The following LRRC4C variants were observed in gnomAD, a reference collection of about 807,000 sequenced individuals.
LRRC4C encodes leucine-rich repeat-containing protein 4C.
In LRRC4C, 5 loss-of-function variants were observed where a neutral mutation model predicts 33.6. The ratio of observed to expected loss-of-function variants is 0.15; its 90% CI spans 0.08 to 0.31. The LOEUF (loss-of-function observed/expected upper bound fraction) is 0.31. Ranked by LOEUF, LRRC4C falls within the 10% of genes least tolerant of loss-of-function variation. The pLI, the probability that LRRC4C is intolerant of heterozygous loss-of-function variation, is 1.00. For missense variants in LRRC4C, 560 were observed against 796.7 expected (o/e 0.70, Z 3.58); for synonymous variants, 329 against 302.0 (o/e 1.09, Z -0.93).
At chr11:41,000,050 TA>T (rs1371948179) in intron 1 of LRRC4C, among the ~76,000 whole-genome samples, 2 of 152,062 alleles carry the variant, frequency 1.3e-5, no homozygotes, top group Non-Finnish European at 2.9e-5. Flanking sequence ...GAGAAGGTTG[TA>T]AAAAACCTTG....
At chr11:40,451,123 C>T (rs547637846) in intron 3 of LRRC4C, among the ~76,000 whole-genome samples, 1 of 150,766 alleles carries the variant, frequency 6.6e-6, no homozygotes, top group South Asian at 2.1e-4. Flanking sequence ...AAACCTAGAA[C>T]AGGAGCAAAC....
chr11:41,360,336 C>T (rs1029425322), intron 1 of LRRC4C, among the ~76,000 whole-genome samples: 2 of 152,004 alleles, frequency 1.3e-5, no homozygotes, highest in African/African-American at 2.4e-5. Flanking sequence ...AATCACTATA[C>T]CTACATCTAT....
At chr11:40,970,876 T>C (rs1851681776) in intron 1 of LRRC4C, among the ~76,000 whole-genome samples, 1 of 152,164 alleles carries the variant, frequency 6.6e-6, no homozygotes, top group Non-Finnish European at 1.5e-5. Context: ...CTTCTAGAGA[T>C]CTATGGAAAT....
At chr11:41,404,186 C>A (rs1477324536) in intron 1 of LRRC4C, among the ~76,000 whole-genome samples, 4 of 151,904 alleles carry the variant, frequency 2.6e-5, no homozygotes, top group Non-Finnish European at 5.9e-5. Flanking sequence ...TTGATTAATG[C>A]CAAGATTTTT....
intron 1 of LRRC4C, among the ~76,000 whole-genome samples, chr11:41,230,494 A>C (rs555791313): frequency 4.9e-4 from 75 of 152,182 alleles, no homozygotes; most frequent in African/African-American, 1.7e-3. Flanking sequence ...TTAAGCAGCT[A>C]TCCTTAAGCC....
At chr11:40,406,851 A>G (rs1329572130) in intron 3 of LRRC4C, among the ~76,000 whole-genome samples, 2 of 152,164 alleles carry the variant, frequency 1.3e-5, no homozygotes, top group Admixed American at 6.5e-5. Flanking sequence ...TAGCAAGGAA[A>G]TATGAAATAC....
chr11:41,238,296 A>G (rs1190395285), intron 1 of LRRC4C, among the ~76,000 whole-genome samples: 2 of 152,196 alleles, frequency 1.3e-5, no homozygotes, highest in Non-Finnish European at 2.9e-5. Context: ...GAGTAGAAAC[A>G]TCTATTCACA....
At chr11:40,830,003 G>T (rs2135537275) in intron 2 of LRRC4C, among the ~76,000 whole-genome samples, 1 of 152,172 alleles carries the variant, frequency 6.6e-6, no homozygotes, top group South Asian at 2.1e-4. Flanking sequence ...TGACAGAAGA[G>T]CTAACAGTTG....
At chr11:41,364,123 G>A (rs1000995933) in intron 1 of LRRC4C, among the ~76,000 whole-genome samples, 10 of 152,114 alleles carry the variant, frequency 6.6e-5, no homozygotes, top group African/African-American at 2.4e-4. Context: ...CAGGTTGCAT[G>A]AGAGGTCCGT....
chr11:40,541,872 A>G (rs1221445980), intron 3 of LRRC4C, among the ~76,000 whole-genome samples: 1 of 152,092 alleles, frequency 6.6e-6, no homozygotes, highest in Admixed American at 6.6e-5. Flanking sequence ...ATTTTCTCTG[A>G]CATCACTTCC....
At chr11:40,755,826 A>G (rs1948921258) in intron 2 of LRRC4C, among the ~76,000 whole-genome samples, 1 of 152,126 alleles carries the variant, frequency 6.6e-6, no homozygotes, top group Admixed American at 6.6e-5. Flanking sequence ...ACAAGATTTG[A>G]GGAAACATCT....
At chr11:40,991,951 A>G (rs992396130) in intron 1 of LRRC4C, among the ~76,000 whole-genome samples, 2 of 152,202 alleles carry the variant, frequency 1.3e-5, no homozygotes, top group Admixed American at 1.3e-4. Context: ...CTAAGAGGCC[A>G]CCAACTGGTA....
At chr11:40,814,291 T>C (rs983244379) in intron 2 of LRRC4C, among the ~76,000 whole-genome samples, 23 of 152,246 alleles carry the variant, frequency 1.5e-4, no homozygotes, top group African/African-American at 5.3e-4. Flanking sequence ...CAATACCACA[T>C]CAAAGCTGCC....
At chr11:40,944,499 C>T (rs527692294) in intron 1 of LRRC4C, among the ~76,000 whole-genome samples, 1 of 152,238 alleles carries the variant, frequency 6.6e-6, no homozygotes, top group Non-Finnish European at 1.5e-5. Flanking sequence ...ACTGAAATAA[C>T]GTGAAGTTTG....
At chr11:41,392,551 A>G (rs1420781762) in intron 1 of LRRC4C, among the ~76,000 whole-genome samples, 2 of 135,516 alleles carry the variant, frequency 1.5e-5, no homozygotes, top group Non-Finnish European at 3.3e-5. Flanking sequence ...CACCTCCCCC[A>G]AACAAACAAA....
chr11:40,279,595 A>G (rs1390874600), intron 4 of LRRC4C, among the ~76,000 whole-genome samples: 3 of 152,340 alleles, frequency 2.0e-5, no homozygotes, highest in African/African-American at 7.2e-5. Flanking sequence ...TAAAAGTTCT[A>G]TGTGAATTAT....
At chr11:40,938,081 A>T (rs1957983793) in intron 1 of LRRC4C, among the ~76,000 whole-genome samples, 1 of 152,192 alleles carries the variant, frequency 6.6e-6, no homozygotes, top group African/African-American at 2.4e-5. Context: ...TCTAATTGGA[A>T]GCACTACTGC....
chr11:41,308,404 C>T (rs902787963), intron 1 of LRRC4C, among the ~76,000 whole-genome samples: 2 of 152,090 alleles, frequency 1.3e-5, no homozygotes, highest in African/African-American at 2.4e-5. Context: ...GGCAGTAGAA[C>T]GTGACATTAC....
intron 2 of LRRC4C, among the ~76,000 whole-genome samples, chr11:40,848,768 C>T (rs904308300): frequency 7.2e-5 from 11 of 152,098 alleles, no homozygotes; most frequent in Admixed American, 1.3e-4. Context: ...ATTGTTATTG[C>T]GTGGGAGTCT....
Sources: allele counts gnomAD v4.1 joint callset (sites outside exome capture counted in the v4.1 genomes callset), GRCh38; gene constraint gnomAD v4.1.1; transcripts MANE v1.5; gene names NCBI Gene and HGNC (gene_info 2026-07-23, HGNC 2026-07-21).